The following WAC variants were observed in gnomAD, a reference collection of about 807,000 sequenced individuals.
WAC encodes WW domain containing adaptor with coiled-coil.
A neutral mutation model predicts 79.6 loss-of-function variants in WAC; 11 were observed. The ratio of observed to expected loss-of-function variants is 0.14; its 90% CI spans 0.09 to 0.23. WAC has a LOEUF of 0.23. Among genes scored for constraint, WAC ranks in the 10% least tolerant of loss-of-function variants. WAC has a pLI of 1.00. For missense variants in WAC, 728 were observed against 773.5 expected (o/e 0.94, Z 0.70); for synonymous variants, 304 against 276.9 (o/e 1.10, Z -0.97).
At chr10:28,536,243 A>AT (rs1564369231) in intron 3 of WAC, among the ~76,000 whole-genome samples, 1 of 50,678 alleles carries the variant, frequency 2.0e-5, no homozygotes, top group Non-Finnish European at 3.6e-5. Flanking sequence ...GTGAGACTCC[A>AT]TTAAAAAAAA....
chr10:28,547,244 C>T (rs1452930313), intron 3 of WAC, among the ~76,000 whole-genome samples: 2 of 151,952 alleles, frequency 1.3e-5, no homozygotes, highest in African/African-American at 2.4e-5. Flanking sequence ...TTAAAGATTT[C>T]GGACTTTTGG....
intron 7 of WAC, among the ~76,000 whole-genome samples, chr10:28,596,985 AAT>A (rs1039315643): frequency 9.2e-5 from 14 of 152,146 alleles, no homozygotes; most frequent in African/African-American, 3.1e-4. Context: ...AATCTAGATT[AAT>A]AGAGACTAAT....
intron 3 of WAC, among the ~76,000 whole-genome samples, chr10:28,571,881 G>A (rs78382836): frequency 6.6e-6 from 1 of 152,132 alleles, no homozygotes; most frequent in African/African-American, 2.4e-5. Context: ...TATATTACTT[G>A]CTCACCTTTT....
chr10:28,556,388 ATTTTTT>A (rs764934182), intron 3 of WAC, among the ~76,000 whole-genome samples: 17 of 55,090 alleles, frequency 3.1e-4, no homozygotes, highest in African/African-American at 4.9e-4. Context: ...TGCCCATTAA[ATTTTTT>A]TTTTTTTTTT....
chr10:28,604,195 C>T (rs1052753093), intron 7 of WAC, among the ~76,000 whole-genome samples: 2 of 149,758 alleles, frequency 1.3e-5, no homozygotes, highest in Admixed American at 1.3e-4. Context: ...TTGACTGTTA[C>T]GTCGATGGAA....
In WAC at chr10:28,622,779, G is replaced by A. The variant is rs769710205; in HGVS notation, c.*3173G>A. ...CCCATTTCCAAAAACAGTTTATTAT[G>A]TTCAAAAACCACCATATCTTTGAGG... On this transcript the variant is annotated 3_prime_UTR_variant, in exon 14 of 14. Transcript: ENST00000354911. 4 of 152,068 alleles carry A rather than the reference G, an allele frequency of 2.6e-5. No individual in the cohort carries two copies. Among genetic ancestry groups the A allele is most frequent in the Non-Finnish European group, 2.9e-5 (2 of 68,010 alleles). The allele number at this position is 152,068 out of a possible 1,614,324, so 9.4% of individuals were successfully genotyped here.
Position 28,608,343 on chromosome 10 carries a change from C to A in WAC, c.1077C>A (p.Asp359Glu). 1 of 1,614,170 alleles carries A rather than the reference C, an allele frequency of 6.2e-7. No individual in the cohort carries two copies. The highest frequency in any genetic ancestry group is 1.1e-5 in the South Asian group (1 of 91,084). ...CGCCAATACCTCCCTTACTTCAGGA[C>A]CCAAATCTTCTTAGACAATTGCTTC... is the stretch of plus-strand genomic sequence containing the variant. ...PQSPIPPLLQ[D>E]PNLLRQLLPA... is the part of the protein sequence containing the mutation. Residue 359 changes from aspartate to glutamate, a missense_variant, in exon 8 of 14, where the codon GAC becomes GAA. Physicochemically the swap from Asp to Glu is conservative, Grantham distance 45 (BLOSUM62 2). Coordinates refer to ENST00000354911, the MANE Select transcript of WAC (RefSeq NM_016628.5).
At position 28,539,267 on chromosome 10, in the gene WAC, A is replaced by G. The variant is rs74880635; in HGVS notation, c.274+3510A>G. Among the ~76,000 whole-genome samples, 1,150 of 152,322 alleles carry G rather than the reference A, an allele frequency of 7.5e-3. 13 individuals are homozygous for G. The highest frequency in any genetic ancestry group is 0.027 in the African/African-American group (1,105 of 41,568). On this transcript the variant is annotated intron_variant, in intron 3 of 13. Transcript: ENST00000354911. ...ATGTATGAAAGGACTTGCAGATACA[A>G]TATAAAAAGTGAGAAATCAGGGATT...
intron 3 of WAC, among the ~76,000 whole-genome samples, chr10:28,539,356 A>G (rs1033878351): frequency 3.3e-5 from 5 of 152,210 alleles, no homozygotes; most frequent in Non-Finnish European, 7.4e-5. Context: ...CATAGCGTGT[A>G]TAGTTTAGAG....
intron 7 of WAC, among the ~76,000 whole-genome samples, chr10:28,601,637 T>A (rs1205997268): frequency 6.6e-6 from 1 of 152,050 alleles, no homozygotes; most frequent in Non-Finnish European, 1.5e-5. Flanking sequence ...CAGACAAACA[T>A]TAGATAGAAA....
intron 3 of WAC, among the ~76,000 whole-genome samples, chr10:28,554,262 T>TCA (rs935774908): frequency 2.6e-5 from 4 of 152,192 alleles, no homozygotes; most frequent in Non-Finnish European, 4.4e-5. Flanking sequence ...TGGAATTTGG[T>TCA]ATCAGCTGGA....
intron 3 of WAC, among the ~76,000 whole-genome samples, chr10:28,552,845 C>CTTTT (rs3029447): frequency 4.3e-4 from 36 of 84,350 alleles, no homozygotes; most frequent in East Asian, 8.8e-4. Flanking sequence ...CACTTGGCTG[C>CTTTT]TTTTTTTTTT....
chr10:28,587,924 C>CTT (rs9335800), intron 4 of WAC, among the ~76,000 whole-genome samples: 3,768 of 150,336 alleles, frequency 0.025, 72 homozygotes, highest in Middle Eastern at 0.079. Flanking sequence ...GTTCAGCTGA[C>CTT]TTTTTTTTTT....
chr10:28,597,317 A>G (rs1167819216), intron 7 of WAC, among the ~76,000 whole-genome samples: 1 of 152,220 alleles, frequency 6.6e-6, no homozygotes, highest in African/African-American at 2.4e-5. Flanking sequence ...TATTTTCCAT[A>G]GGACATTTTG....
At chr10:28,544,820 T>C (rs551276217) in intron 3 of WAC, among the ~76,000 whole-genome samples, 26 of 152,110 alleles carry the variant, frequency 1.7e-4, no homozygotes, top group Non-Finnish European at 3.5e-4. Flanking sequence ...TGCCAGCACT[T>C]TGGGAGGCCA....
At chr10:28,618,287 A>G (rs1161070587) in intron 13 of WAC, among the ~76,000 whole-genome samples, 1 of 152,170 alleles carries the variant, frequency 6.6e-6, no homozygotes, top group Non-Finnish European at 1.5e-5. Context: ...CATAGGTATT[A>G]TTTTTTAATG....
chr10:28,576,702 T>A (rs917629670), intron 3 of WAC, among the ~76,000 whole-genome samples: 2 of 152,196 alleles, frequency 1.3e-5, no homozygotes, highest in Admixed American at 6.5e-5. Context: ...GACAGTTCTT[T>A]GGGAGACATG....
In WAC at chr10:28,608,382, C is replaced by A; in HGVS notation, c.1116C>A (p.Ala372=). ...GACAATTGCTTCCTGCTTTGCAAGCCACGCTGCAGCTTAATAATTCTAATG... is the reference window on the plus strand; with the variant it reads ...GACAATTGCTTCCTGCTTTGCAAGCAACGCTGCAGCTTAATAATTCTAATG... ...LLRQLLPALQ[A]TLQLNNSNVD... Residue 372 remains alanine (A), a synonymous_variant, in exon 8 of 14, where the codon GCC becomes GCA. Transcript: ENST00000354911. The A allele has an allele frequency of 6.2e-7, 1 of 1,613,144 alleles. No individual in the cohort carries two copies. The highest frequency in any genetic ancestry group is 1.7e-5 in the Admixed American group (1 of 59,826).
intron 3 of WAC, among the ~76,000 whole-genome samples, chr10:28,573,867 CCCCTCA>C (rs1839106086): frequency 6.6e-6 from 1 of 151,744 alleles, no homozygotes; most frequent in Admixed American, 6.6e-5. Context: ...CCCCAACACC[CCCCTCA>C]CCCTCAGCTC....
Sources: allele counts gnomAD v4.1 joint callset (sites outside exome capture counted in the v4.1 genomes callset), GRCh38; gene constraint gnomAD v4.1.1; transcripts MANE v1.5; gene names NCBI Gene and HGNC (gene_info 2026-07-23, HGNC 2026-07-21).